Variants in PKN2 observed in about 807,000 individuals in gnomAD.
The protein encoded by PKN2 is serine/threonine-protein kinase N2.
Under a neutral mutation model 119.1 loss-of-function variants are expected in PKN2, and 38 were observed. That is an observed-to-expected ratio of 0.32 (90% CI 0.25 to 0.42). The LOEUF (loss-of-function observed/expected upper bound fraction) is 0.42. PKN2 is among the 10% of genes least tolerant of loss of function. PKN2 has a pLI of 1.00. For missense variants in PKN2, 850 were observed against 1,165.1 expected (o/e 0.73, Z 3.94); for synonymous variants, 390 against 384.9 (o/e 1.01, Z -0.15).
At chr1:88,697,711 TTCTTAAG>T (rs2100657810) in intron 1 of PKN2, among the ~76,000 whole-genome samples, 1 of 152,314 alleles carries the variant, frequency 6.6e-6, no homozygotes, top group South Asian at 2.1e-4. Flanking sequence ...ATGCTTTTCA[TTCTTAAG>T]TCTTACTCAT....
At chr1:88,740,704 C>T (rs1461979512) in intron 1 of PKN2, among the ~76,000 whole-genome samples, 1 of 152,070 alleles carries the variant, frequency 6.6e-6, no homozygotes, top group Admixed American at 6.6e-5. Context: ...CCAAAATCCG[C>T]TATCTTTACA....
chr1:88,699,398 A>T (rs1557547415), intron 1 of PKN2, among the ~76,000 whole-genome samples: 2 of 152,022 alleles, frequency 1.3e-5, no homozygotes, highest in Admixed American at 1.3e-4. Context: ...TGTAATTTTA[A>T]TTTTTTCCCC....
chr1:88,685,711 G>C (rs1666065537), intron 1 of PKN2, among the ~76,000 whole-genome samples: 1 of 151,856 alleles, frequency 6.6e-6, no homozygotes, highest in Non-Finnish European at 1.5e-5. Context: ...TGGGAATTAG[G>C]AGAAAAAAAT....
chr1:88,735,924 C>A (rs58900808), intron 1 of PKN2, among the ~76,000 whole-genome samples: 10,139 of 152,044 alleles, frequency 0.067, 676 homozygotes, highest in African/African-American at 0.18. Flanking sequence ...AAGCTTTCTT[C>A]CCATTTGTCA....
chr1:88,807,226 T>C (rs904317909), intron 12 of PKN2, 87 bp from the exon 13 acceptor site: 30 of 946,600 alleles, frequency 3.2e-5, no homozygotes, highest in Non-Finnish European at 4.3e-5. Flanking sequence ...TATTGACTTT[T>C]GAAATGTTTT....
intron 1 of PKN2, among the ~76,000 whole-genome samples, chr1:88,708,853 A>G (rs879941940): frequency 1.8e-4 from 28 of 152,066 alleles, no homozygotes; most frequent in Non-Finnish European, 3.5e-4. Flanking sequence ...ATATAGGCAG[A>G]TAATTTTACT....
At chr1:88,792,858 C>T (rs986855002) in intron 8 of PKN2, among the ~76,000 whole-genome samples, 8 of 152,246 alleles carry the variant, frequency 5.3e-5, no homozygotes, top group East Asian at 1.9e-4. Flanking sequence ...GGGAGCGCTT[C>T]CAGCATCACT....
At chr1:88,811,743 A>G (rs559280379) in intron 15 of PKN2, among the ~76,000 whole-genome samples, 2 of 152,222 alleles carry the variant, frequency 1.3e-5, no homozygotes, top group Non-Finnish European at 2.9e-5. Context: ...TCTAGGATAT[A>G]TCCCAAACCA....
At chr1:88,757,505 A>G (rs1162531590) in intron 2 of PKN2, among the ~76,000 whole-genome samples, 1 of 152,160 alleles carries the variant, frequency 6.6e-6, no homozygotes, top group Non-Finnish European at 1.5e-5. Context: ...ATAAAACAAT[A>G]TGAAATACAT....
At chr1:88,684,654 G>T in intron 1 of PKN2, 26 bp downstream of exon 1, 1 of 1,508,092 alleles carries the variant, frequency 6.6e-7, no homozygotes. Flanking sequence ...CTGGTGAGAG[G>T]CGCTGGCGGA....
intron 2 of PKN2, among the ~76,000 whole-genome samples, chr1:88,758,894 T>G (rs145712551): frequency 4.4e-4 from 67 of 152,320 alleles, no homozygotes; most frequent in African/African-American, 1.6e-3. Flanking sequence ...TTGCTTTGGG[T>G]ATATACCCAG....
At chr1:88,694,511 A>G (rs1020061429) in intron 1 of PKN2, among the ~76,000 whole-genome samples, 1 of 152,172 alleles carries the variant, frequency 6.6e-6, no homozygotes, top group Non-Finnish European at 1.5e-5. Flanking sequence ...TAGTTTATTC[A>G]TTCACCTACT....
At position 88,820,209 on chromosome 1, in the gene PKN2, TATATATATATATATATATATATATAA is replaced by T. The variant is rs1316210762; in HGVS notation, c.2280-1728_2280-1703del. 9.9e-5 allele frequency among the ~76,000 whole-genome samples: 11 copies of T among 110,582 alleles called. 1 individual carries two copies. Among genetic ancestry groups the T allele is most frequent in the African/African-American group, 5.1e-4 (11 of 21,548 alleles). The allele number at this position is 110,582 out of a possible 152,430, so 72.5% of individuals were successfully genotyped here. A position where few individuals can be genotyped will look rare whatever the true frequency, so the allele number is the denominator to read the frequency against. On this transcript the variant is annotated intron_variant, in intron 16 of 21. Transcript: ENST00000370521. The stretch of plus-strand genomic sequence containing the variant: ...ATATATATATATATATATATATATA[TATATATATATATATATATATATATAA>T]ATAGAAAAAAATAAAAATGCGAGGC...
In PKN2 at chr1:88,778,071, C is replaced by T. The variant is rs76629651; in HGVS notation, c.985+6192C>T. ...TGAATCCACCCGTGACCTGAAAATCCCTACTTCGAGTTGTCCATCTTTTCT... is the reference window on the plus strand; with the variant it reads ...TGAATCCACCCGTGACCTGAAAATCTCTACTTCGAGTTGTCCATCTTTTCT... On this transcript the variant is annotated intron_variant, in intron 6 of 21. Coordinates refer to ENST00000370521, the MANE Select transcript of PKN2 (RefSeq NM_006256.4). 5.6e-3 allele frequency among the ~76,000 whole-genome samples: 852 copies of T among 152,220 alleles called. 27 individuals are homozygous for T. In the East Asian group the frequency reaches 0.089, roughly 16 times the overall value.
In PKN2 at chr1:88,693,543, A is replaced by G. The variant is rs114604588; in HGVS notation, c.48+8915A>G. 6.7e-3 allele frequency among the ~76,000 whole-genome samples: 1,023 copies of G among 152,258 alleles called. 10 individuals are homozygous for G. The highest frequency in any genetic ancestry group is 0.021 in the African/African-American group (867 of 41,540). On this transcript the variant is annotated intron_variant, in intron 1 of 21. Transcript: ENST00000370521. The stretch of plus-strand genomic sequence containing the variant: ...TTCTCATCAGTGTTCTAAGGAAATG[A>G]TATTATAAACAATGAAACATTAGCC...
chr1:88,724,531 A>C (rs1177619186), intron 1 of PKN2, among the ~76,000 whole-genome samples: 1 of 151,552 alleles, frequency 6.6e-6, no homozygotes, highest in Non-Finnish European at 1.5e-5. Flanking sequence ...ATTTATGTAT[A>C]ACATTGAAGA....
intron 19 of PKN2, 61 bp from the exon 20 acceptor site, chr1:88,832,683 G>A (rs374261267): frequency 3.6e-6 from 3 of 824,830 alleles, no homozygotes; most frequent in East Asian, 5.0e-5. Flanking sequence ...TACTTTGAAT[G>A]GGTGATAAGA....
intron 2 of PKN2, among the ~76,000 whole-genome samples, chr1:88,746,135 G>A (rs11811337): frequency 0.067 from 10,192 of 151,814 alleles, 689 homozygotes; most frequent in African/African-American, 0.18. Context: ...TACCTTATAC[G>A]TTTATAAGAC....
intron 1 of PKN2, among the ~76,000 whole-genome samples, chr1:88,704,958 T>C (rs1666917888): frequency 6.6e-6 from 1 of 152,170 alleles, no homozygotes; most frequent in South Asian, 2.1e-4. Flanking sequence ...TCGTATCTGC[T>C]ATCTGTATAT....
Sources: gnomAD v4.1 joint callset for allele counts (sites outside exome capture counted in the v4.1 genomes callset) on GRCh38, gnomAD v4.1.1 for gene constraint, MANE v1.5 for transcripts, NCBI Gene and HGNC (gene_info 2026-07-23, HGNC 2026-07-21) for gene names.